SLC35F2: variants seen among roughly 807,000 people sequenced by gnomAD.
SLC35F2 encodes the protein queuine/queuosine transporter SLC35F2.
SLC35F2 carries 25 observed loss-of-function variants against 38.1 expected under a neutral mutation model. The ratio of observed to expected loss-of-function variants is 0.66; its 90% CI spans 0.48 to 0.92. The LOEUF (loss-of-function observed/expected upper bound fraction) is 0.92. Ranked by LOEUF, SLC35F2 falls within the 40% of genes least tolerant of loss-of-function variation. The pLI, the probability that SLC35F2 is intolerant of heterozygous loss-of-function variation, is 0.00. For synonymous variants in SLC35F2, 173 were observed against 181.7 expected (o/e 0.95, Z 0.38); for missense variants, 409 against 452.9 (o/e 0.90, Z 0.88).
At chr11:107,850,265 T>C (rs1860157699) in intron 1 of SLC35F2, among the ~76,000 whole-genome samples, 1 of 152,086 alleles carries the variant, frequency 6.6e-6, no homozygotes, top group South Asian at 2.1e-4. Context: ...ACAGTGATGT[T>C]TGTGGAGGCT....
intron 1 of SLC35F2, among the ~76,000 whole-genome samples, chr11:107,857,282 GGAAGGAAGGAGAGAGGGAAC>G (rs1220849474): frequency 2.7e-5 from 4 of 148,656 alleles, no homozygotes; most frequent in Non-Finnish European, 5.9e-5. Flanking sequence ...AAGGAAGGAC[GGAAGGAAGGAGAGAGGGAAC>G]GAAGGAAGGA....
At chr11:107,829,839 T>C (rs1322155448) in intron 1 of SLC35F2, among the ~76,000 whole-genome samples, 2 of 152,146 alleles carry the variant, frequency 1.3e-5, no homozygotes, top group Non-Finnish European at 2.9e-5. Flanking sequence ...ATTATAAACA[T>C]AGGCAACAAA....
At chr11:107,812,502 C>T (rs1399462520) in intron 2 of SLC35F2, among the ~76,000 whole-genome samples, 1 of 151,526 alleles carries the variant, frequency 6.6e-6, no homozygotes, top group Non-Finnish European at 1.5e-5. Flanking sequence ...CATAATGAGA[C>T]TCCACCTCTT....
intron 3 of SLC35F2, among the ~76,000 whole-genome samples, chr11:107,807,271 CAA>C (rs201964530): frequency 1.1e-4 from 8 of 70,904 alleles, no homozygotes; most frequent in East Asian, 4.1e-4. Context: ...CCTGTCTGTA[CAA>C]AAAAAAAAAA....
At chr11:107,798,045 C>T (rs183866129) in intron 7 of SLC35F2, among the ~76,000 whole-genome samples, 10 of 151,810 alleles carry the variant, frequency 6.6e-5, no homozygotes, top group Admixed American at 6.6e-4. Context: ...GCTCTATCAC[C>T]CAGGCTGGAG....
chr11:107,808,159 G>A (rs776479378), intron 3 of SLC35F2, among the ~76,000 whole-genome samples: 30 of 152,126 alleles, frequency 2.0e-4, no homozygotes, highest in Non-Finnish European at 1.9e-4. Context: ...CTGACAAAGC[G>A]TCCAACCCCA....
intron 1 of SLC35F2, among the ~76,000 whole-genome samples, chr11:107,852,971 G>T (rs985317198): frequency 2.0e-5 from 3 of 151,974 alleles, no homozygotes; most frequent in Non-Finnish European, 2.9e-5. Context: ...TTGAACTCAG[G>T]AGATCATGAC....
intron 1 of SLC35F2, among the ~76,000 whole-genome samples, chr11:107,856,800 A>C (rs58649798): frequency 0.036 from 4,195 of 117,510 alleles, 179 homozygotes; most frequent in African/African-American, 0.13. Context: ...TTGTCCAAGA[A>C]GGGAGGGAGG....
At chr11:107,813,813 T>G (rs1425788552) in intron 2 of SLC35F2, among the ~76,000 whole-genome samples, 1 of 152,082 alleles carries the variant, frequency 6.6e-6, no homozygotes, top group African/African-American at 2.4e-5. Context: ...TACAGGGACA[T>G]GCCATCATGC....
At chr11:107,810,419 G>T (rs1859463670) in intron 3 of SLC35F2, 1 of 984,740 alleles carries the variant, frequency 1.0e-6, no homozygotes, top group South Asian at 4.7e-5. Context: ...AAAGTTCCTG[G>T]GAATTGTAAT....
Position 107,811,891 on chromosome 11 carries a change from T to C in SLC35F2, c.287-97A>G, listed in dbSNP as rs1358475286. On this transcript the variant is annotated intron_variant, in intron 2 of 7. Coordinates refer to ENST00000525815, the MANE Select transcript of SLC35F2 (RefSeq NM_017515.5). ...AGAGTAGAAGCAAGAGTTTCTTGTT[T>C]TTTTTTCTTTTTTCTTCTTCTTCTT... 2.5e-6 allele frequency: 3 copies of C among 1,187,072 alleles called. No homozygotes were observed. In the African/African-American group the frequency reaches 4.6e-5, roughly 18 times the overall value. 73.5% of individuals were successfully genotyped at this position (1,187,072 alleles called of 1,614,324 possible).
At chr11:107,810,322 A>G (rs1285117827) in intron 3 of SLC35F2, 3 of 985,254 alleles carry the variant, frequency 3.0e-6, no homozygotes, top group Non-Finnish European at 2.4e-6. Flanking sequence ...CATGAACTTC[A>G]GTCGCAACTA....
At chr11:107,797,676 TTA>T (rs1466901463) in intron 7 of SLC35F2, among the ~76,000 whole-genome samples, 1 of 152,216 alleles carries the variant, frequency 6.6e-6, no homozygotes, top group African/African-American at 2.4e-5. Context: ...TGCTAACTTG[TTA>T]TAGATGCTCA....
chr11:107,793,786 C>G (rs1388036230), intron 7 of SLC35F2, among the ~76,000 whole-genome samples: 1 of 152,114 alleles, frequency 6.6e-6, no homozygotes. Context: ...AGAGGCATCT[C>G]ATACACTCTC....
chr11:107,823,832 G>C (rs1859711785), intron 1 of SLC35F2: 1 of 206,826 alleles, frequency 4.8e-6, no homozygotes, highest in South Asian at 1.7e-4. Flanking sequence ...AGGAGGCTGA[G>C]GCAAGAGAAT....
At chr11:107,841,251 A>T (rs1465344720) in intron 1 of SLC35F2, among the ~76,000 whole-genome samples, 2 of 152,220 alleles carry the variant, frequency 1.3e-5, no homozygotes, top group Non-Finnish European at 2.9e-5. Flanking sequence ...TTCACAGAAC[A>T]GCAGCACTTC....
intron 3 of SLC35F2, chr11:107,810,801 A>G: frequency 1.0e-6 from 1 of 980,712 alleles, no homozygotes; most frequent in Non-Finnish European, 1.2e-6. Context: ...ATCAATCCTT[A>G]TATTTTCTAT....
chr11:107,805,404 A>G lies in SLC35F2; in HGVS notation c.686T>C (p.Leu229Ser), dbSNP rs368409378. Residue 229 changes from leucine to serine, a missense_variant, in exon 5 of 8, where the codon TTA (leucine) becomes TCA (serine). By Grantham distance (145) the Leu-to-Ser change is moderately radical (BLOSUM62 -2). Transcript: ENST00000525815. ...IVKKLSRQEF[L>S]GMVGLFGTII... ...TGTTCCAAACAGGCCCACCATTCCTAAAAACTCCTGTCTGCTCAGCTTCTT... is the reference window on the plus strand; with the variant it reads ...TGTTCCAAACAGGCCCACCATTCCTGAAAACTCCTGTCTGCTCAGCTTCTT... 7 of 1,613,994 alleles carry G rather than the reference A, an allele frequency of 4.3e-6. No individual in the cohort carries two copies. The highest frequency in any genetic ancestry group is 8.5e-7 in the Non-Finnish European group (1 of 1,179,992).
rs74611043 is a variant in SLC35F2 at position 107,799,302 on chromosome 11, G to C, written c.939+3699C>G. ...AAGGAATTTATCAACTGCATGCTCTGATTCTGAGAATAGTAGTTTAAAGTT... is the reference window on the plus strand; with the variant it reads ...AAGGAATTTATCAACTGCATGCTCTCATTCTGAGAATAGTAGTTTAAAGTT... On this transcript the variant is annotated intron_variant, in intron 7 of 7. Coordinates refer to ENST00000525815, the MANE Select transcript of SLC35F2 (RefSeq NM_017515.5). 8.9e-3 allele frequency among the ~76,000 whole-genome samples: 1,359 copies of C among 152,312 alleles called. 17 individuals carry two copies. Among genetic ancestry groups the C allele is most frequent in the African/African-American group, 0.03 (1,245 of 41,560 alleles).
Sources: gnomAD v4.1 joint callset for allele counts (sites outside exome capture counted in the v4.1 genomes callset) on GRCh38, gnomAD v4.1.1 for gene constraint, MANE v1.5 for transcripts, NCBI Gene and HGNC (gene_info 2026-07-23, HGNC 2026-07-21) for gene names.